The following CSMD1 variants were observed in gnomAD, a reference collection of about 807,000 sequenced individuals.
The protein encoded by CSMD1 is CUB and sushi domain-containing protein 1.
Under a neutral mutation model 417.5 loss-of-function variants are expected in CSMD1, and 213 were observed. The observed-to-expected ratio is 0.51, with a 90% CI of 0.46 to 0.57. CSMD1 has a LOEUF of 0.57. Among genes scored for constraint, CSMD1 ranks in the 20% least tolerant of loss-of-function variants. The pLI, the probability that CSMD1 is intolerant of heterozygous loss-of-function variation, is 0.00. For synonymous variants in CSMD1, 2,862 were observed against 1,736.8 expected, an observed-to-expected ratio of 1.65 and a Z score of -16.11; for missense variants, 6,923 against 4,529.7, an observed-to-expected ratio of 1.53 and a Z score of -15.17.
At chr8:3,791,873 G>C (rs984037425) in intron 5 of CSMD1, among the ~76,000 whole-genome samples, 2 of 151,854 alleles carry the variant, frequency 1.3e-5, no homozygotes, top group Admixed American at 1.3e-4. Context: ...TGTATAGGTT[G>C]GTGCAAAAGT....
At position 4,043,196 on chromosome 8, in the gene CSMD1, C is replaced by T. The variant is rs145765250; in HGVS notation, c.416-11097G>A. ...CATCACAGTAGATTATGGTAGACTG[C>T]TATAAAGTCTAAAGTCACCACTAAA... On this transcript the variant is annotated intron_variant, in intron 3 of 69. Transcript: ENST00000635120. 1.5e-3 allele frequency among the ~76,000 whole-genome samples: 231 copies of T among 152,100 alleles called. 7 individuals are homozygous for T. In the East Asian group the frequency reaches 0.042, roughly 27 times the overall value.
At chr8:4,257,936 T>A (rs1295038260) in intron 3 of CSMD1, among the ~76,000 whole-genome samples, 1 of 152,124 alleles carries the variant, frequency 6.6e-6, no homozygotes, top group Non-Finnish European at 1.5e-5. Flanking sequence ...ATAATAGCCT[T>A]TTTCAAAATC....
intron 23 of CSMD1, among the ~76,000 whole-genome samples, chr8:3,338,678 G>A (rs183115626): frequency 1.3e-5 from 2 of 152,184 alleles, no homozygotes; most frequent in Admixed American, 1.3e-4. Context: ...ACTTCTGCAG[G>A]GTGCATCCTG....
intron 1 of CSMD1, among the ~76,000 whole-genome samples, chr8:4,918,436 T>C (rs1236811317): frequency 6.6e-6 from 1 of 152,186 alleles, no homozygotes; most frequent in East Asian, 1.9e-4. Context: ...TGTCCTTCTG[T>C]ATATCCACCT....
intron 1 of CSMD1, among the ~76,000 whole-genome samples, chr8:4,976,868 T>C (rs1024391438): frequency 6.6e-6 from 1 of 152,090 alleles, no homozygotes; most frequent in Admixed American, 6.5e-5. Flanking sequence ...CTTAAAGAAA[T>C]ATAGAGGGAC....
chr8:3,480,380 A>C (rs1256744560), intron 11 of CSMD1, among the ~76,000 whole-genome samples: 2 of 152,200 alleles, frequency 1.3e-5, no homozygotes, highest in Non-Finnish European at 2.9e-5. Context: ...ATAAAAAATT[A>C]AAAGGAAAAA....
chr8:3,621,380 A>T (rs1796236293), intron 7 of CSMD1, among the ~76,000 whole-genome samples: 2 of 152,154 alleles, frequency 1.3e-5, no homozygotes, highest in African/African-American at 4.8e-5. Context: ...AAAAACGAAG[A>T]GTAATCAAAG....
intron 4 of CSMD1, among the ~76,000 whole-genome samples, chr8:4,023,206 C>T (rs1302785435): frequency 2.0e-5 from 3 of 152,200 alleles, no homozygotes; most frequent in African/African-American, 7.2e-5. Context: ...TACAGACCTT[C>T]AGGGAAGCCA....
In CSMD1 at chr8:3,090,108, A is replaced by G. The variant is rs545719687; in HGVS notation, c.7285+1408T>C. Among the ~76,000 whole-genome samples the G allele has an allele frequency of 8.5e-4, 129 of 151,894 alleles. 1 individual carries two copies. Among genetic ancestry groups the G allele is most frequent in the African/African-American group, 2.9e-3 (119 of 41,414 alleles). On this transcript the variant is annotated intron_variant, in intron 48 of 69. Coordinates refer to ENST00000635120, the MANE Select transcript of CSMD1 (RefSeq NM_033225.6). ...GGCGGCCGGATCACAAGGTCAGGAGATCGTGACCATCCTGGCTAACACGGT... is the reference window on the plus strand; with the variant it reads ...GGCGGCCGGATCACAAGGTCAGGAGGTCGTGACCATCCTGGCTAACACGGT...
chr8:2,963,845 G>A (rs1202498760), intron 59 of CSMD1, among the ~76,000 whole-genome samples: 2 of 152,012 alleles, frequency 1.3e-5, no homozygotes, highest in African/African-American at 2.4e-5. Flanking sequence ...AGACACAGTC[G>A]GTCCATCTAT....
chr8:3,688,388 TAGAC>T (rs540376375), intron 7 of CSMD1, among the ~76,000 whole-genome samples: 5 of 152,170 alleles, frequency 3.3e-5, no homozygotes, highest in Non-Finnish European at 4.4e-5. Flanking sequence ...AATTGAGAAA[TAGAC>T]AGAGGTGCTT....
intron 11 of CSMD1, among the ~76,000 whole-genome samples, chr8:3,478,585 G>A (rs1224642636): frequency 2.0e-5 from 3 of 152,120 alleles, no homozygotes; most frequent in Non-Finnish European, 2.9e-5. Context: ...ACTTGTGGCC[G>A]ATCACAAACA....
chr8:4,813,847 G>A (rs761347189), intron 1 of CSMD1, among the ~76,000 whole-genome samples: 1 of 152,158 alleles, frequency 6.6e-6, no homozygotes, highest in South Asian at 2.1e-4. Context: ...AGAGTGCATA[G>A]TAGCATTCTC....
rs1277308772 is a variant in CSMD1 at position 4,320,199 on chromosome 8, G to C, written c.415+99754C>G. Among the ~76,000 whole-genome samples the C allele has an allele frequency of 2.0e-5, 3 of 152,244 alleles. No individual in the cohort carries two copies. The South Asian group carries it at 6.2e-4, about 32-fold the overall frequency. On this transcript the variant is annotated intron_variant, in intron 3 of 69. Transcript: ENST00000635120. ...TATCCAGCACTTAACAAGGTAAAATGTGTGATATCTCGCATCTAAGCAAAA... is the reference window on the plus strand; with the variant it reads ...TATCCAGCACTTAACAAGGTAAAATCTGTGATATCTCGCATCTAAGCAAAA...
intron 7 of CSMD1, among the ~76,000 whole-genome samples, chr8:3,678,923 T>C (rs1433116466): frequency 6.6e-6 from 1 of 152,170 alleles, no homozygotes; most frequent in Non-Finnish European, 1.5e-5. Context: ...CAGAATTTCA[T>C]ATCCAGCCAA....
intron 52 of CSMD1, among the ~76,000 whole-genome samples, chr8:3,000,516 T>G (rs927883506): frequency 6.6e-6 from 1 of 152,142 alleles, no homozygotes; most frequent in Admixed American, 6.5e-5. Flanking sequence ...CTATTGATTA[T>G]GGGTAGTAAG....
At chr8:4,505,138 C>G (rs1159160181) in intron 2 of CSMD1, among the ~76,000 whole-genome samples, 1 of 152,152 alleles carries the variant, frequency 6.6e-6, no homozygotes, top group East Asian at 1.9e-4. Flanking sequence ...AAAAACAAAA[C>G]CAAACCCCAC....
intron 5 of CSMD1, among the ~76,000 whole-genome samples, chr8:3,974,709 A>G (rs1416344550): frequency 6.6e-6 from 1 of 151,930 alleles, no homozygotes; most frequent in East Asian, 1.9e-4. Flanking sequence ...AAAATTTTAT[A>G]TAAGATGAAG....
At position 4,952,000 on chromosome 8, in the gene CSMD1, G is replaced by A. The variant is rs187709267; in HGVS notation, c.85+42332C>T. Among the ~76,000 whole-genome samples, 11 of 151,046 alleles carry A rather than the reference G, an allele frequency of 7.3e-5. No individual in the cohort carries two copies. In the East Asian group the frequency reaches 1.9e-3, roughly 27 times the overall value. On this transcript the variant is annotated intron_variant, in intron 1 of 69. Coordinates refer to ENST00000635120, the MANE Select transcript of CSMD1 (RefSeq NM_033225.6). ...TTCTAAACATAGTTTATCTTAAAAG[G>A]TTTTAATTATATATATAATATAGAA...
Sources: allele counts gnomAD v4.1 joint callset (sites outside exome capture counted in the v4.1 genomes callset), GRCh38; gene constraint gnomAD v4.1.1; transcripts MANE v1.5; gene names NCBI Gene and HGNC (gene_info 2026-07-23, HGNC 2026-07-21).